Variants in DMTN observed in about 807,000 individuals in gnomAD.
DMTN encodes dematin actin binding protein.
A neutral mutation model predicts 59.4 loss-of-function variants in DMTN; 27 were observed. The ratio of observed to expected loss-of-function variants is 0.45; its 90% CI spans 0.33 to 0.63. The LOEUF is 0.63. Ranked by LOEUF, DMTN falls within the 20% of genes least tolerant of loss-of-function variation. The pLI, the probability that DMTN is intolerant of heterozygous loss-of-function variation, is 0.02. For synonymous variants in DMTN, 221 were observed against 203.7 expected, an observed-to-expected ratio of 1.08 and a Z score of -0.72; for missense variants, 451 against 528.9, an observed-to-expected ratio of 0.85 and a Z score of 1.45.
At chr8:22,080,536 T>C in intron 12 of DMTN, 76 bp downstream of exon 12, 1 of 1,613,906 alleles carries the variant, frequency 6.2e-7, no homozygotes, top group Non-Finnish European at 8.5e-7. Flanking sequence ...GTCTGGGCTG[T>C]GGGCAGGGGT....
intron 8 of DMTN, among the ~76,000 whole-genome samples, chr8:22,071,480 T>C (rs958947104): frequency 6.6e-6 from 1 of 151,060 alleles, no homozygotes; most frequent in African/African-American, 2.4e-5. Flanking sequence ...CTGCAACTTC[T>C]ACCACCTGAG....
At chr8:22,062,752 A>G (rs960816085) in intron 1 of DMTN, among the ~76,000 whole-genome samples, 2 of 147,498 alleles carry the variant, frequency 1.4e-5, no homozygotes, top group African/African-American at 2.5e-5. Context: ...CACCTTCTCC[A>G]TGGTGACACT....
chr8:22,080,657 C>A (rs776432494), intron 13 of DMTN, 32 bp downstream of exon 13: 1 of 1,596,598 alleles, frequency 6.3e-7, no homozygotes, highest in Non-Finnish European at 8.5e-7. Flanking sequence ...ACAGGCAGAG[C>A]AGCAGAAGCT....
chr8:22,049,300 C>G (rs1214716571), upstream of DMTN: 8 of 151,122 alleles, frequency 5.3e-5, no homozygotes, highest in African/African-American at 1.9e-4. Flanking sequence ...CCCCTGTCCT[C>G]CCGGGTCCCC....
rs1813077279 is a variant in DMTN, at chr8:22,069,085, T to C, written c.294+25T>C. The C allele has an allele frequency of 3.1e-6, 5 of 1,607,918 alleles. No homozygotes were observed. In the South Asian group the frequency reaches 3.3e-5, roughly 11 times the overall value. ...GGTGAGTCTGCCCCACACCTGCAAC[T>C]TGCCCTGCCCTGCCCTGAAGGGGAT... On this transcript the variant is annotated intron_variant, in intron 5 of 15. Coordinates refer to ENST00000358242, the MANE Select transcript of DMTN (RefSeq NM_001387751.1).
intron 10 of DMTN, among the ~76,000 whole-genome samples, chr8:22,076,717 C>T (rs1028555857): frequency 4.6e-5 from 7 of 151,564 alleles, no homozygotes; most frequent in South Asian, 4.2e-4. Flanking sequence ...TTTTGGGTGA[C>T]ACCTGGGTGT....
At chr8:22,064,202 A>G (rs1370299561) in intron 1 of DMTN, among the ~76,000 whole-genome samples, 1 of 152,224 alleles carries the variant, frequency 6.6e-6, no homozygotes, top group Non-Finnish European at 1.5e-5. Flanking sequence ...AGATGGATGA[A>G]CAGATACATG....
At chr8:22,064,507 G>A (rs2130777055) in intron 1 of DMTN, among the ~76,000 whole-genome samples, 1 of 152,064 alleles carries the variant, frequency 6.6e-6, no homozygotes, top group South Asian at 2.1e-4. Flanking sequence ...CGCCCAGGCT[G>A]GAGTGCAGTG....
chr8:22,067,009 C>A, intron 2 of DMTN, 76 bp from the exon 3 acceptor site: 6 of 1,361,642 alleles, frequency 4.4e-6, no homozygotes, highest in Non-Finnish European at 5.7e-6. Flanking sequence ...CCCGGGTCCC[C>A]CAGGCCTAGG....
chr8:22,050,961 A>C (rs1438134832), upstream of DMTN, among the ~76,000 whole-genome samples: 1 of 152,234 alleles, frequency 6.6e-6, no homozygotes. Context: ...CCACAAGAAT[A>C]GATCCCTAAT....
rs929126892 is a variant in DMTN, at chr8:22,080,282, G to A, written c.900+38G>A. On this transcript the variant is annotated intron_variant, in intron 11 of 15. Transcript: ENST00000358242. ...GACCAGAGATATAGACTACGTGGGA[G>A]GAACGTGCATGTGGGGTGCTGAGGG... 5.7e-5 allele frequency: 92 copies of A among 1,613,906 alleles called. 1 individual carries two copies. In the Admixed American group the frequency reaches 1.5e-3, roughly 26 times the overall value.
chr8:22,070,046 C>T, intron 7 of DMTN, 109 bp downstream of exon 7: 1 of 1,544,602 alleles, frequency 6.5e-7, no homozygotes, highest in Non-Finnish European at 8.9e-7. Context: ...CATGTCACAG[C>T]AGCACGTGTG....
At chr8:22,057,410 C>T (rs1220520969) in intron 1 of DMTN, among the ~76,000 whole-genome samples, 1 of 152,160 alleles carries the variant, frequency 6.6e-6, no homozygotes, top group African/African-American at 2.4e-5. Flanking sequence ...GCCTGGCCTA[C>T]CTAGCTGAGC....
At chr8:22,053,975 T>C (rs1801655080), upstream of DMTN, among the ~76,000 whole-genome samples, 1 of 151,960 alleles carries the variant, frequency 6.6e-6, no homozygotes. Flanking sequence ...GTCAGAGGCC[T>C]TCCCAGGGGG....
In DMTN at chr8:22,060,865, A is replaced by G. The variant is rs1418917307; in HGVS notation, c.-172+3729A>G. On this transcript the variant is annotated intron_variant, in intron 1 of 15. Coordinates refer to ENST00000358242, the MANE Select transcript of DMTN (RefSeq NM_001387751.1). This position sits in a 1 kb window ranked among gnomAD's most constrained non-coding sequence, Gnocchi z 5.0. ...ACAGACCTGAGCTTAGATTCCACACAATACTGTGTCCTTGACCAACTACTT... is the reference window on the plus strand; with the variant it reads ...ACAGACCTGAGCTTAGATTCCACACGATACTGTGTCCTTGACCAACTACTT... Among the ~76,000 whole-genome samples, 1 of 152,246 alleles carries G rather than the reference A, an allele frequency of 6.6e-6. No homozygotes were observed. Among genetic ancestry groups the G allele is most frequent in the Non-Finnish European group, 1.5e-5 (1 of 68,040 alleles).
chr8:22,072,595 C>G (rs1336002710), intron 9 of DMTN, 145 bp downstream of exon 9: 24 of 686,692 alleles, frequency 3.5e-5, no homozygotes, highest in Non-Finnish European at 4.8e-5. Flanking sequence ...TCTTGCATAG[C>G]TGGGATTACA....
upstream of DMTN, among the ~76,000 whole-genome samples, chr8:22,050,987 G>C (rs1446972613): frequency 6.6e-6 from 1 of 152,208 alleles, no homozygotes; most frequent in African/African-American, 2.4e-5. Context: ...CACTTCAGAG[G>C]AGATTTAACA....
At chr8:22,051,348 C>T (rs1801334527), upstream of DMTN, among the ~76,000 whole-genome samples, 1 of 152,180 alleles carries the variant, frequency 6.6e-6, no homozygotes, top group African/African-American at 2.4e-5. Context: ...CCAAGCAGGT[C>T]ATCAGAGGGG....
At chr8:22,071,088 TTATTTA>T (rs869101500) in intron 8 of DMTN, among the ~76,000 whole-genome samples, 1 of 20,174 alleles carries the variant, frequency 5.0e-5, no homozygotes, top group Non-Finnish European at 4.7e-4. Context: ...TTTATTTTAT[TTATTTA>T]TTTATTTATT....
Sources: gnomAD v4.1 joint callset for allele counts (sites outside exome capture counted in the v4.1 genomes callset) on GRCh38, gnomAD v4.1.1 for gene constraint, Gnocchi (gnomAD v3.1) non-coding constraint, MANE v1.5 for transcripts, NCBI Gene and HGNC (gene_info 2026-07-23, HGNC 2026-07-21) for gene names.